CNTNAP2: variants seen among roughly 807,000 people sequenced by gnomAD.
The protein encoded by CNTNAP2 is contactin-associated protein-like 2.
CNTNAP2 carries 98 observed loss-of-function variants against 155.2 expected under a neutral mutation model. The observed-to-expected ratio is 0.63, with a 90% CI of 0.54 to 0.75. The LOEUF is 0.75. Among genes scored for constraint, CNTNAP2 ranks in the 30% least tolerant of loss-of-function variants. CNTNAP2 has a pLI of 0.00. For synonymous variants in CNTNAP2, 651 were observed against 631.2 expected (o/e 1.03, Z -0.47); for missense variants, 1,727 against 1,688.1 (o/e 1.02, Z -0.40).
chr7:147,930,702 G>A (rs1269332174), intron 14 of CNTNAP2, among the ~76,000 whole-genome samples: 2 of 152,046 alleles, frequency 1.3e-5, no homozygotes, highest in Non-Finnish European at 2.9e-5. Context: ...TGGACCTAAC[G>A]GACATACACA....
chr7:146,729,712 G>C (rs557740695), intron 1 of CNTNAP2, among the ~76,000 whole-genome samples: 1 of 151,914 alleles, frequency 6.6e-6, no homozygotes, highest in Admixed American at 6.6e-5. Flanking sequence ...TACCAGTTTG[G>C]TTGTTCTTAT....
At chr7:147,477,565 G>T (rs993795354) in intron 10 of CNTNAP2, among the ~76,000 whole-genome samples, 3 of 152,090 alleles carry the variant, frequency 2.0e-5, no homozygotes, top group Admixed American at 6.6e-5. Context: ...TAAATATGTA[G>T]TTATCAAGTA....
chr7:146,220,294 A>G (rs1180422067), intron 1 of CNTNAP2, among the ~76,000 whole-genome samples: 1 of 152,170 alleles, frequency 6.6e-6, no homozygotes, highest in African/African-American at 2.4e-5. Context: ...ATGCTAAAAA[A>G]AAAAATCACT....
intron 18 of CNTNAP2, among the ~76,000 whole-genome samples, chr7:148,178,216 C>T (rs1794980707): frequency 6.6e-6 from 1 of 152,176 alleles, no homozygotes; most frequent in Non-Finnish European, 1.5e-5. Context: ...CTCATCTGCA[C>T]TTTTTTTAAC....
At chr7:146,286,524 C>A (rs1238466418) in intron 1 of CNTNAP2, among the ~76,000 whole-genome samples, 1 of 152,066 alleles carries the variant, frequency 6.6e-6, no homozygotes, top group Non-Finnish European at 1.5e-5. Flanking sequence ...CTTTGCTTTT[C>A]TTAACACTTG....
At chr7:146,902,357 C>T (rs745933638) in intron 3 of CNTNAP2, among the ~76,000 whole-genome samples, 21 of 152,102 alleles carry the variant, frequency 1.4e-4, no homozygotes, top group Non-Finnish European at 2.8e-4. Flanking sequence ...TTTCTTCATC[C>T]ATATTTCAAA....
intron 3 of CNTNAP2, among the ~76,000 whole-genome samples, chr7:146,865,036 G>A (rs142256349): frequency 0.014 from 2,019 of 146,320 alleles, 42 homozygotes; most frequent in African/African-American, 0.048. Flanking sequence ...AAGGCAACAG[G>A]TTATAAGATT....
chr7:147,177,222 C>T (rs1156283158), intron 8 of CNTNAP2, among the ~76,000 whole-genome samples: 6 of 151,918 alleles, frequency 3.9e-5, no homozygotes, highest in South Asian at 2.1e-4. Flanking sequence ...GGCTCTGTGT[C>T]TTCACCCAAA....
At chr7:147,326,949 T>C (rs1377375694) in intron 9 of CNTNAP2, among the ~76,000 whole-genome samples, 2 of 152,194 alleles carry the variant, frequency 1.3e-5, no homozygotes, top group Non-Finnish European at 2.9e-5. Context: ...ACTTAATACA[T>C]GCTGAATGGG....
rs976480420 is a variant in CNTNAP2 at position 147,982,297 on chromosome 7, G to A, written c.2383+4308G>A. Among the ~76,000 whole-genome samples, 12 of 30,792 alleles carry A rather than the reference G, an allele frequency of 3.9e-4. No individual in the cohort carries two copies. The South Asian group carries it at 4.0e-3, about 10-fold the overall frequency. The allele number at this position is 30,792 out of a possible 152,430, so 20.2% of individuals were successfully genotyped here. On this transcript the variant is annotated intron_variant, in intron 15 of 23. Transcript: ENST00000361727. ...TTGGAGCAAGTTTGTCAGAACCATA[G>A]GAAAGGTTTAAAAAAAAATCAAATG...
At chr7:147,132,567 T>C in intron 8 of CNTNAP2, 58 bp downstream of exon 8, 1 of 1,607,018 alleles carries the variant, frequency 6.2e-7, no homozygotes, top group East Asian at 2.2e-5. Flanking sequence ...CCAGAGTTAA[T>C]GTTGTGCTTT....
intron 3 of CNTNAP2, among the ~76,000 whole-genome samples, chr7:146,932,610 TA>T (rs1321481644): frequency 6.6e-6 from 1 of 152,012 alleles, no homozygotes; most frequent in Admixed American, 6.6e-5. Flanking sequence ...GAGAAGGAAA[TA>T]AAGGGTATTC....
At chr7:146,505,241 C>A (rs190314567) in intron 1 of CNTNAP2, among the ~76,000 whole-genome samples, 147 of 152,270 alleles carry the variant, frequency 9.7e-4, no homozygotes, top group Non-Finnish European at 1.9e-3. Flanking sequence ...GCAGATCCAA[C>A]GGTTGGACAC....
chr7:146,352,694 T>TAAA (rs35712482), intron 1 of CNTNAP2, among the ~76,000 whole-genome samples: 3 of 125,184 alleles, frequency 2.4e-5, no homozygotes, highest in Non-Finnish European at 3.1e-5. Context: ...ACAACTGAGG[T>TAAA]AAAAAAAAAT....
Position 148,143,317 on chromosome 7 carries a change from C to T in CNTNAP2, c.2555-4174C>T, listed in dbSNP as rs186073606. Among the ~76,000 whole-genome samples, 20 of 152,264 alleles carry T rather than the reference C, an allele frequency of 1.3e-4. No individual in the cohort carries two copies. In the East Asian group the frequency reaches 3.9e-3, roughly 29 times the overall value. ...ATGCTTTCAGTTACAATAAAAATGG[C>T]TTGAGCAATAACATAACAGCATATC... On this transcript the variant is annotated intron_variant, in intron 16 of 23. Transcript: ENST00000361727.
chr7:147,213,940 C>T (rs1177615157), intron 8 of CNTNAP2, among the ~76,000 whole-genome samples: 2 of 152,076 alleles, frequency 1.3e-5, no homozygotes, highest in African/African-American at 2.4e-5. Flanking sequence ...GAGGGCATCA[C>T]CTTTTTGTGC....
intron 3 of CNTNAP2, among the ~76,000 whole-genome samples, chr7:146,950,776 T>C (rs1283130875): frequency 1.3e-5 from 2 of 151,998 alleles, no homozygotes; most frequent in African/African-American, 4.8e-5. Context: ...GTCTTTAGAG[T>C]AGAATGATTT....
intron 17 of CNTNAP2, among the ~76,000 whole-genome samples, chr7:148,160,565 T>G (rs1259136037): frequency 5.9e-5 from 9 of 152,242 alleles, no homozygotes; most frequent in Non-Finnish European, 8.8e-5. Flanking sequence ...TTGCTGAACC[T>G]TTTAAAAATC....
chr7:146,753,485 T>C (rs1801940992), intron 1 of CNTNAP2, among the ~76,000 whole-genome samples: 2 of 152,070 alleles, frequency 1.3e-5, no homozygotes, highest in Non-Finnish European at 2.9e-5. Flanking sequence ...TTAGATGATA[T>C]TAACATGTGA....
Sources: gnomAD v4.1 joint callset for allele counts (sites outside exome capture counted in the v4.1 genomes callset) on GRCh38, gnomAD v4.1.1 for gene constraint, MANE v1.5 for transcripts, NCBI Gene and HGNC (gene_info 2026-07-23, HGNC 2026-07-21) for gene names.